The following SEPTIN9 variants were observed in gnomAD, a reference collection of about 807,000 sequenced individuals.
SEPTIN9 encodes septin-9.
Under a neutral mutation model 56.6 loss-of-function variants are expected in SEPTIN9, and 13 were observed. That is an observed-to-expected ratio of 0.23 (90% CI 0.15 to 0.37). The LOEUF (loss-of-function observed/expected upper bound fraction) is 0.37. Among genes scored for constraint, SEPTIN9 ranks in the 10% least tolerant of loss-of-function variants. The pLI is 1.00. For synonymous variants in SEPTIN9, 332 were observed against 334.1 expected (o/e 0.99, Z 0.07); for missense variants, 650 against 823.1 (o/e 0.79, Z 2.57).
chr17:77,403,843 C>T lies in SEPTIN9; in HGVS notation c.721+1140C>T, dbSNP rs373505871. Among the ~76,000 whole-genome samples the T allele has an allele frequency of 4.6e-5, 7 of 152,316 alleles. No homozygotes were observed. In the East Asian group the frequency reaches 5.8e-4, roughly 13 times the overall value. Reference sequence around the variant, plus strand: ...GTTTCAGCGGCATTCAGTACATTCACGGTGTTGCGCAGCTGCCACCGCTGT... The same window carrying T: ...GTTTCAGCGGCATTCAGTACATTCATGGTGTTGCGCAGCTGCCACCGCTGT... On this transcript the variant is annotated intron_variant, in intron 3 of 11. Coordinates refer to ENST00000427177, the MANE Select transcript of SEPTIN9 (RefSeq NM_001113491.2).
intron 2 of SEPTIN9, among the ~76,000 whole-genome samples, chr17:77,357,392 C>A (rs2034289563): frequency 6.6e-6 from 1 of 152,038 alleles, no homozygotes; most frequent in African/African-American, 2.4e-5. Context: ...AACACATGGT[C>A]AAGTTGAAAG....
At chr17:77,408,937 A>G (rs1018933802) in intron 3 of SEPTIN9, among the ~76,000 whole-genome samples, 1 of 152,038 alleles carries the variant, frequency 6.6e-6, no homozygotes, top group Non-Finnish European at 1.5e-5. Flanking sequence ...GGGCCTTGGT[A>G]AGCGTCGAGG....
intron 3 of SEPTIN9, among the ~76,000 whole-genome samples, chr17:77,462,350 C>G (rs2038514664): frequency 6.6e-6 from 1 of 151,780 alleles, no homozygotes; most frequent in Admixed American, 6.6e-5. Context: ...CAAGCTGGGG[C>G]CCAGCTGCCG....
chr17:77,445,088 C>T lies in SEPTIN9; in HGVS notation c.722-37056C>T, dbSNP rs752850973. The T allele has an allele frequency of 4.5e-5, 20 of 445,510 alleles. No homozygotes were observed. Among genetic ancestry groups the T allele is most frequent in the South Asian group, 2.9e-4 (18 of 62,192 alleles). The allele number at this position is 445,510 out of a possible 1,614,324, so 27.6% of individuals were successfully genotyped here. ...GCAGAGGCCCCTCTGTCCCACCATG[C>T]CTGCCTGGGGACGGCCTTCACTCGG... is the stretch of plus-strand genomic sequence containing the variant. On this transcript the variant is annotated intron_variant, in intron 3 of 11. Transcript: ENST00000427177. This position sits in a 1 kb window ranked among gnomAD's most constrained non-coding sequence, Gnocchi z 4.7.
At position 77,498,644 on chromosome 17, in the gene SEPTIN9, G is replaced by A. The variant is rs1382476368; in HGVS notation, c.1747G>A (p.Ala583Thr). 5.0e-6 allele frequency: 8 copies of A among 1,609,120 alleles called. No individual in the cohort carries two copies. Among genetic ancestry groups the A allele is most frequent in the Non-Finnish European group, 6.8e-6 (8 of 1,178,348 alleles). ...CGGCATGGAGGAGAAGGAGCCAGAAGCCCCGGAGATGTAGACGCCACCCTG... is the reference window on the plus strand; with the variant it reads ...CGGCATGGAGGAGAAGGAGCCAGAAACCCCGGAGATGTAGACGCCACCCTG... ...ANGMEEKEPE[A>T]PEM Residue 583 changes from alanine to threonine, a missense_variant, in exon 12 of 12, where the codon GCC becomes ACC. By Grantham distance (58) the Ala-to-Thr change is moderately conservative (BLOSUM62 0). This residue lies in a region of SEPTIN9 where 333 missense variants were observed against 494.0 expected (regional missense o/e 0.67). Transcript: ENST00000427177.
chr17:77,298,386 G>T (rs1322882341), intron 1 of SEPTIN9, among the ~76,000 whole-genome samples: 4 of 152,184 alleles, frequency 2.6e-5, no homozygotes, highest in African/African-American at 7.2e-5. Context: ...TTTAGCCACG[G>T]GCCAGGACAC....
chr17:77,303,531 G>T (rs1325843122), intron 1 of SEPTIN9, among the ~76,000 whole-genome samples: 1 of 151,796 alleles, frequency 6.6e-6, no homozygotes, highest in Non-Finnish European at 1.5e-5. Context: ...GGCCAACGTG[G>T]TGAAACCCTG....
At chr17:77,394,145 A>G (rs556342429) in intron 2 of SEPTIN9, among the ~76,000 whole-genome samples, 2 of 152,092 alleles carry the variant, frequency 1.3e-5, no homozygotes, top group African/African-American at 4.8e-5. Flanking sequence ...AGCCTTTGCA[A>G]CTGGACCCCA....
intron 2 of SEPTIN9, among the ~76,000 whole-genome samples, chr17:77,331,201 A>AT (rs2033334486): frequency 6.6e-6 from 1 of 152,178 alleles, no homozygotes; most frequent in African/African-American, 2.4e-5. Flanking sequence ...CAAAAAATAA[A>AT]AAATAATAAT....
chr17:77,475,717 C>G lies in SEPTIN9; in HGVS notation c.722-6427C>G, dbSNP rs775390560. The stretch of plus-strand genomic sequence containing the variant: ...TGGATGGAGGCAAGGAAGTCTTCGC[C>G]GGGGCAAGGGCACCAGCTGTAGATG... On this transcript the variant is annotated intron_variant, in intron 3 of 11. Coordinates refer to ENST00000427177, the MANE Select transcript of SEPTIN9 (RefSeq NM_001113491.2). This position sits in a 1 kb window ranked among gnomAD's most constrained non-coding sequence, Gnocchi z 4.6. 1 of 1,613,186 alleles carries G rather than the reference C, an allele frequency of 6.2e-7. No individual in the cohort carries two copies. Among genetic ancestry groups the G allele is most frequent in the African/African-American group, 1.3e-5 (1 of 74,918 alleles).
chr17:77,303,766 A>C (rs951443757), intron 1 of SEPTIN9, among the ~76,000 whole-genome samples: 1 of 152,080 alleles, frequency 6.6e-6, no homozygotes, highest in Non-Finnish European at 1.5e-5. Flanking sequence ...TACTTGCGCC[A>C]TGTGACCTCA....
chr17:77,458,570 G>T (rs2038320206), intron 3 of SEPTIN9, among the ~76,000 whole-genome samples: 1 of 152,210 alleles, frequency 6.6e-6, no homozygotes, highest in Admixed American at 6.5e-5. Flanking sequence ...GATAATGATG[G>T]TTACCATGTC....
At chr17:77,350,921 A>AG in intron 2 of SEPTIN9, among the ~76,000 whole-genome samples, 1 of 151,836 alleles carries the variant, frequency 6.6e-6, no homozygotes, top group Admixed American at 6.5e-5. Context: ...AAGACAAGGA[A>AG]GGGCTTTCCT....
Position 77,402,035 on chromosome 17 carries a change from G to T in SEPTIN9, c.77-24G>T. 1 of 1,603,932 alleles carries T rather than the reference G, an allele frequency of 6.2e-7. No homozygotes were observed. The highest frequency in any genetic ancestry group is 2.2e-5 in the East Asian group (1 of 44,674). Reference sequence around the variant, plus strand: ...TTCCCTAGCCATCCATTCACCAATTGCATCCCCTCTCTTTATTTTTCAGCC... The same window carrying T: ...TTCCCTAGCCATCCATTCACCAATTTCATCCCCTCTCTTTATTTTTCAGCC... On this transcript the variant is annotated intron_variant, in intron 2 of 11. Transcript: ENST00000427177. The surrounding 1 kb of genome is among the most constrained non-coding windows in gnomAD (Gnocchi z 6.6).
Position 77,487,451 on chromosome 17 carries a change from TAATC to T in SEPTIN9, c.944_947del (p.Ile315ThrfsTer41). 6.2e-7 allele frequency: 1 copy of T among 1,607,590 alleles called. No homozygotes were observed. Among genetic ancestry groups the T allele is most frequent in the Non-Finnish European group, 8.5e-7 (1 of 1,177,592 alleles). ...CAGAGCGGCTTGGGTAAATCCACCTTAATCAACACCCTCTTCAAATCCAAAATCA... is the reference window on the plus strand; with the variant it reads ...CAGAGCGGCTTGGGTAAATCCACCTTAACACCCTCTTCAAATCCAAAATCA... On this transcript the variant is annotated frameshift_variant, in exon 5 of 12. Coordinates refer to ENST00000427177, the MANE Select transcript of SEPTIN9 (RefSeq NM_001113491.2). LOFTEE classifies it high-confidence loss of function. The surrounding 1 kb of genome is among the most constrained non-coding windows in gnomAD (Gnocchi z 4.3).
intron 2 of SEPTIN9, among the ~76,000 whole-genome samples, chr17:77,315,291 C>T (rs1273914068): frequency 1.4e-5 from 2 of 144,274 alleles, no homozygotes; most frequent in Admixed American, 1.4e-4. Flanking sequence ...CACCTAACTT[C>T]TTTTTTTTTT....
chr17:77,348,829 A>G (rs1568006929), intron 2 of SEPTIN9, among the ~76,000 whole-genome samples: 1 of 152,230 alleles, frequency 6.6e-6, no homozygotes, highest in Admixed American at 6.5e-5. Flanking sequence ...AAACTAGACA[A>G]TACAATAAGG....
rs184789156 is a variant in SEPTIN9, at chr17:77,314,712, C to T, written c.76+7515C>T. ...CTGGAGCAAGGTGGGGCCGATCCTA[C>T]GAAGACCCTTTCCCGAAGGCCCCTG... is the stretch of plus-strand genomic sequence containing the variant. On this transcript the variant is annotated intron_variant, in intron 2 of 11. Coordinates refer to ENST00000427177, the MANE Select transcript of SEPTIN9 (RefSeq NM_001113491.2). Among the ~76,000 whole-genome samples, 9 of 152,350 alleles carry T rather than the reference C, an allele frequency of 5.9e-5. No individual in the cohort carries two copies. In the East Asian group the frequency reaches 7.7e-4, roughly 13 times the overall value.
chr17:77,437,807 T>G lies in SEPTIN9; in HGVS notation c.721+35104T>G, dbSNP rs956375422. ...TGCCCCCCAACCCCTTTCGGGTACA[T>G]TCTCCTGTAGCCCCACTCCCTGTAA... is the stretch of plus-strand genomic sequence containing the variant. On this transcript the variant is annotated intron_variant, in intron 3 of 11. Transcript: ENST00000427177. This position sits in a 1 kb window ranked among gnomAD's most constrained non-coding sequence, Gnocchi z 5.3. 2.0e-5 allele frequency among the ~76,000 whole-genome samples: 3 copies of G among 152,166 alleles called. No homozygotes were observed. The highest frequency in any genetic ancestry group is 7.2e-5 in the African/African-American group (3 of 41,444).
Sources: allele counts gnomAD v4.1 joint callset (sites outside exome capture counted in the v4.1 genomes callset), GRCh38; gene constraint gnomAD v4.1.1; regional missense constraint gnomAD v4.1.1; non-coding constraint Gnocchi (gnomAD v3.1); transcripts MANE v1.5; gene names NCBI Gene and HGNC (gene_info 2026-07-23, HGNC 2026-07-21).